ADGRV1: variants seen among roughly 807,000 people sequenced by gnomAD.
ADGRV1 encodes adhesion G protein-coupled receptor V1.
In ADGRV1, 359 loss-of-function variants were observed where a neutral mutation model predicts 596.2. The ratio of observed to expected loss-of-function variants is 0.60; its 90% confidence interval spans 0.55 to 0.66. The LOEUF (loss-of-function observed/expected upper bound fraction) is 0.66, where lower values mean the gene tolerates loss of function less well. Ranked by LOEUF, ADGRV1 falls within the 30% of genes least tolerant of loss-of-function variation. The probability of loss-of-function intolerance (pLI) is 0.00; values close to 1 mark genes in which losing one functional copy is unlikely to be tolerated. For synonymous variants in ADGRV1, 2,681 were observed against 2,679.2 expected (o/e 1.00, Z -0.02); for missense variants, 7,274 against 7,575.6 (o/e 0.96, Z 1.48).
chr5:90,974,410 G>C (rs1020564235), intron 84 of ADGRV1, among the ~76,000 whole-genome samples: 1 of 152,166 alleles, frequency 6.6e-6, no homozygotes, highest in Non-Finnish European at 1.5e-5. Context: ...TAAGCCAAAA[G>C]AACAAAGCTA....
intron 76 of ADGRV1, among the ~76,000 whole-genome samples, chr5:90,826,183 AATT>A (rs1473053054): frequency 6.6e-6 from 1 of 152,202 alleles, no homozygotes; most frequent in Non-Finnish European, 1.5e-5. Flanking sequence ...ATCCAGTTCA[AATT>A]ATTATTATGT....
intron 70 of ADGRV1, among the ~76,000 whole-genome samples, chr5:90,799,116 A>G (rs1233242744): frequency 2.6e-5 from 4 of 152,214 alleles, no homozygotes; most frequent in Non-Finnish European, 5.9e-5. Flanking sequence ...ATATTCAAAT[A>G]GAAAAGGAGG....
intron 1 of ADGRV1, among the ~76,000 whole-genome samples, chr5:90,560,695 A>G (rs997120873): frequency 1.3e-5 from 2 of 152,192 alleles, no homozygotes; most frequent in Non-Finnish European, 2.9e-5. Flanking sequence ...CATTAAATAT[A>G]TAAGTGCTGT....
chr5:91,118,455 C>A (rs1793038760), intron 87 of ADGRV1, among the ~76,000 whole-genome samples: 1 of 152,142 alleles, frequency 6.6e-6, no homozygotes, highest in South Asian at 2.1e-4. Flanking sequence ...TGCATTCTAT[C>A]TATAAAGACA....
intron 1 of ADGRV1, among the ~76,000 whole-genome samples, chr5:90,596,010 G>A (rs1294280139): frequency 2.7e-5 from 4 of 149,574 alleles, no homozygotes; most frequent in South Asian, 2.1e-4. Flanking sequence ...GCTGCCGGGC[G>A]GAGAGGCTCC....
At position 90,810,813 on chromosome 5, in the gene ADGRV1, G is replaced by C. The variant is rs753007257; in HGVS notation, c.15553G>C (p.Val5185Leu). Residue 5185 changes from valine (V) to leucine (L), a missense_variant, in exon 74 of 90, where the codon GTA becomes CTA. Physicochemically the swap from Val to Leu is conservative, Grantham distance 32 (BLOSUM62 1). Coordinates refer to ENST00000405460, the MANE Select transcript of ADGRV1 (RefSeq NM_032119.4). ...TGCCATTGTTACTGAGGCAACTGGT[G>C]TATCTGCCATCCCTGAGAAACTTGT... ...VVAIVTEATGVSAIPEKLVTL... is the reference protein window; with the variant it reads ...VVAIVTEATGLSAIPEKLVTL... 1.2e-5 allele frequency: 20 copies of C among 1,614,010 alleles called. No homozygotes were observed. Among genetic ancestry groups the C allele is most frequent in the Non-Finnish European group, 1.7e-5 (20 of 1,179,890 alleles).
chr5:91,067,142 A>ATT (rs35645124), intron 85 of ADGRV1, among the ~76,000 whole-genome samples: 1,310 of 130,336 alleles, frequency 0.01, 25 homozygotes, highest in African/African-American at 0.02. Context: ...TGCAAAGGAG[A>ATT]TTTTTTTTTT....
At chr5:91,073,326 C>T (rs1014783011) in intron 86 of ADGRV1, among the ~76,000 whole-genome samples, 1 of 152,122 alleles carries the variant, frequency 6.6e-6, no homozygotes, top group Admixed American at 6.5e-5. Flanking sequence ...GTAGAGGATC[C>T]CTCTTGGGCC....
In ADGRV1 at chr5:90,783,954, T is replaced by C. The variant is rs748263327; in HGVS notation, c.13550T>C (p.Ile4517Thr). The change falls in exon 67 of 90, where the codon ATA becomes ACA. Residue 4517 changes from isoleucine to threonine, a missense_variant. Physicochemically the swap from Ile to Thr is moderately conservative, Grantham distance 89 (BLOSUM62 -1). This residue lies in a region of ADGRV1 where 3,643 missense variants were observed against 3,809.2 expected (regional missense o/e 0.96). Coordinates refer to ENST00000405460, the MANE Select transcript of ADGRV1 (RefSeq NM_032119.4). Reference protein sequence around the residue: ...IAKSDSPFGVIRFLNQSKISI... With the variant: ...IAKSDSPFGVTRFLNQSKISI... ...AAGAGTGACTCTCCCTTTGGAGTTA[T>C]AAGGTTTCTCAATCAAAGCAAAATT... 45 of 1,612,400 alleles carry C rather than the reference T, an allele frequency of 2.8e-5. No homozygotes were observed. Among genetic ancestry groups the C allele is most frequent in the African/African-American group, 2.0e-4 (15 of 75,016 alleles).
At chr5:91,129,896 C>G (rs1794068684) in intron 87 of ADGRV1, among the ~76,000 whole-genome samples, 1 of 151,994 alleles carries the variant, frequency 6.6e-6, no homozygotes, top group Non-Finnish European at 1.5e-5. Context: ...ACACAGATCT[C>G]CATTCAAGAA....
At position 90,776,523 on chromosome 5, in the gene ADGRV1, G is replaced by A; in HGVS notation, c.12474G>A (p.Arg4158=). ...SGEVGIAPSS[R]HILIGEPSAK... ...AAGTTGGGATAGCTCCGTCATCTAG[G>A]CACATCCTCATTGGGGAACCCTCAG... Residue 4158 remains arginine, a synonymous_variant, in exon 61 of 90, where the codon AGG becomes AGA. Transcript: ENST00000405460. The A allele has an allele frequency of 6.2e-7, 1 of 1,613,210 alleles. No homozygotes were observed. Among genetic ancestry groups the A allele is most frequent in the Non-Finnish European group, 8.5e-7 (1 of 1,179,406 alleles).
intron 52 of ADGRV1, among the ~76,000 whole-genome samples, chr5:90,750,302 A>G (rs1452261418): frequency 6.6e-6 from 1 of 152,242 alleles, no homozygotes; most frequent in Non-Finnish European, 1.5e-5. Context: ...ATATAGAAAC[A>G]GAAACATAAA....
chr5:90,972,546 A>G (rs1011052228), intron 84 of ADGRV1, among the ~76,000 whole-genome samples: 3 of 152,176 alleles, frequency 2.0e-5, no homozygotes, highest in Non-Finnish European at 4.4e-5. Flanking sequence ...GGATTAAGAA[A>G]CTCACTCAAA....
rs541485298 is a variant in ADGRV1, at chr5:90,998,180, A to G, written c.18152+12658A>G. ...TTCTGAAACTCAGAAGCTTCTACCA[A>G]CCTGAGTTAGGAGCTTGTTTTATTT... is the stretch of plus-strand genomic sequence containing the variant. On this transcript the variant is annotated intron_variant, in intron 85 of 89. Coordinates refer to ENST00000405460, the MANE Select transcript of ADGRV1 (RefSeq NM_032119.4). 5.9e-5 allele frequency among the ~76,000 whole-genome samples: 9 copies of G among 152,284 alleles called. No individual in the cohort carries two copies. In the South Asian group the frequency reaches 1.9e-3, roughly 32 times the overall value.
chr5:90,722,716 C>A (rs1436380416), intron 45 of ADGRV1, among the ~76,000 whole-genome samples: 5 of 32,874 alleles, frequency 1.5e-4, no homozygotes, highest in Non-Finnish European at 2.1e-4. Flanking sequence ...AACTCCGTCT[C>A]AAAAAAAAAA....
At chr5:90,843,757 C>T (rs569075663) in intron 78 of ADGRV1, among the ~76,000 whole-genome samples, 2 of 152,140 alleles carry the variant, frequency 1.3e-5, no homozygotes, top group East Asian at 3.9e-4. Context: ...TGCAAATACA[C>T]GTGTGATGAG....
At chr5:90,748,704 A>G (rs1460748465) in intron 52 of ADGRV1, among the ~76,000 whole-genome samples, 1 of 152,202 alleles carries the variant, frequency 6.6e-6, no homozygotes, top group African/African-American at 2.4e-5. Context: ...ACCTTACCAG[A>G]AAGATCACTG....
At chr5:90,563,095 C>T (rs1457028473) in intron 1 of ADGRV1, among the ~76,000 whole-genome samples, 1 of 152,174 alleles carries the variant, frequency 6.6e-6, no homozygotes, top group African/African-American at 2.4e-5. Flanking sequence ...AAATTTCCCA[C>T]ATTTTAAAGG....
At chr5:90,821,149 G>A (rs1484297045) in intron 75 of ADGRV1, among the ~76,000 whole-genome samples, 41 of 151,160 alleles carry the variant, frequency 2.7e-4, no homozygotes, top group African/African-American at 7.6e-4. Flanking sequence ...TTCCCTTCTC[G>A]CTTCATTTCA....
Sources: allele counts gnomAD v4.1 joint callset (sites outside exome capture counted in the v4.1 genomes callset), GRCh38; gene constraint gnomAD v4.1.1; regional missense constraint gnomAD v4.1.1; transcripts MANE v1.5; gene names NCBI Gene and HGNC (gene_info 2026-07-23, HGNC 2026-07-21).